ZPBP: variants seen among roughly 807,000 people sequenced by gnomAD.
The protein encoded by ZPBP is zona pellucida binding protein.
Under a neutral mutation model 44.8 loss-of-function variants are expected in ZPBP, and 26 were observed. That is an observed-to-expected ratio of 0.58 (90% CI 0.43 to 0.81). The LOEUF (loss-of-function observed/expected upper bound fraction) is 0.81. Among genes scored for constraint, ZPBP ranks in the 30% least tolerant of loss-of-function variants. The pLI is 0.00. For synonymous variants in ZPBP, 174 were observed against 153.2 expected, an observed-to-expected ratio of 1.14 and a Z score of -1.00; for missense variants, 409 against 434.0, an observed-to-expected ratio of 0.94 and a Z score of 0.51.
intron 4 of ZPBP, among the ~76,000 whole-genome samples, chr7:50,032,813 T>C (rs1799660759): frequency 1.3e-5 from 2 of 152,212 alleles, no homozygotes; most frequent in South Asian, 2.1e-4. Flanking sequence ...TTGCTTTTGT[T>C]TTTTCTTCAA....
chr7:49,898,986 T>G (rs1792554908), intron 2 of ZPBP, among the ~76,000 whole-genome samples: 1 of 152,070 alleles, frequency 6.6e-6, no homozygotes, highest in Non-Finnish European at 1.5e-5. Flanking sequence ...ATATGGCAGA[T>G]ATTAATTCAA....
At chr7:49,883,172 T>C (rs1194858951) in intron 2 of ZPBP, among the ~76,000 whole-genome samples, 1 of 151,946 alleles carries the variant, frequency 6.6e-6, no homozygotes, top group Non-Finnish European at 1.5e-5. Context: ...TTTATGCAGG[T>C]TTGAGCTTGA....
chr7:49,867,443 G>T (rs1236933061), intron 2 of ZPBP, among the ~76,000 whole-genome samples: 1 of 152,202 alleles, frequency 6.6e-6, no homozygotes, highest in African/African-American at 2.4e-5. Flanking sequence ...CTGAGAGGCG[G>T]AGGTGGGCCT....
intron 6 of ZPBP, among the ~76,000 whole-genome samples, chr7:49,984,222 T>C (rs1039274364): frequency 6.6e-6 from 1 of 152,194 alleles, no homozygotes; most frequent in African/African-American, 2.4e-5. Context: ...CAGGCTGATC[T>C]ATAACTACTA....
intron 7 of ZPBP, among the ~76,000 whole-genome samples, chr7:49,952,235 TA>T (rs1231463775): frequency 6.6e-6 from 1 of 151,896 alleles, no homozygotes; most frequent in Non-Finnish European, 1.5e-5. Context: ...TCAACTCAAT[TA>T]AAAAAATAAA....
intron 7 of ZPBP, among the ~76,000 whole-genome samples, chr7:49,982,299 TAATATATAATTATATA>T (rs1247253862): frequency 1.1e-4 from 2 of 17,540 alleles, no homozygotes; most frequent in African/African-American, 1.0e-3. Context: ...ATAATATATA[TAATATATAATTATATA>T]ATATATAATT....
intron 2 of ZPBP, among the ~76,000 whole-genome samples, chr7:49,879,962 C>T (rs1791598920): frequency 6.6e-6 from 1 of 152,080 alleles, no homozygotes; most frequent in Non-Finnish European, 1.5e-5. Flanking sequence ...CAATTTCATT[C>T]TTCTCTCTGT....
intron 7 of ZPBP, among the ~76,000 whole-genome samples, chr7:49,941,089 C>T (rs1230437082): frequency 6.6e-6 from 1 of 152,036 alleles, no homozygotes; most frequent in African/African-American, 2.4e-5. Flanking sequence ...CAAATCAAAG[C>T]TACAATGAGA....
At chr7:50,017,327 C>T (rs962372537) in intron 6 of ZPBP, among the ~76,000 whole-genome samples, 6 of 152,064 alleles carry the variant, frequency 3.9e-5, no homozygotes, top group South Asian at 2.1e-4. Context: ...TCTAATGCTG[C>T]GCTTGATCTG....
At chr7:49,849,841 G>A (rs1005969808), downstream of ZPBP, among the ~76,000 whole-genome samples, 7 of 152,208 alleles carry the variant, frequency 4.6e-5, no homozygotes, top group East Asian at 1.9e-4. Context: ...TCTAACCTGC[G>A]AGGCCAGTGA....
chr7:49,957,079 C>G (rs943322488), intron 7 of ZPBP, among the ~76,000 whole-genome samples: 2 of 152,162 alleles, frequency 1.3e-5, no homozygotes, highest in African/African-American at 2.4e-5. Flanking sequence ...CTGAGTTTGG[C>G]CCCTTTGTCT....
At chr7:49,995,760 C>T (rs1277226002) in intron 6 of ZPBP, among the ~76,000 whole-genome samples, 1 of 152,112 alleles carries the variant, frequency 6.6e-6, no homozygotes, top group African/African-American at 2.4e-5. Context: ...TTACGTGAAA[C>T]AAGCCAGTCA....
chr7:50,080,695 A>T (rs1168001847), intron 3 of ZPBP, among the ~76,000 whole-genome samples: 1 of 151,812 alleles, frequency 6.6e-6, no homozygotes, highest in Admixed American at 6.6e-5. Context: ...TGATAAAAAT[A>T]AAATTTGATT....
intron 1 of ZPBP, among the ~76,000 whole-genome samples, chr7:49,924,669 TAAAATTATATTATGGGA>T (rs1166915958): frequency 6.6e-6 from 1 of 152,060 alleles, no homozygotes; most frequent in South Asian, 2.1e-4. Context: ...AAGAAGATAA[TAAAATTATATTATGGGA>T]GACTTCTGGT....
chr7:50,004,881 T>C (rs1798236997), intron 6 of ZPBP, among the ~76,000 whole-genome samples: 1 of 152,018 alleles, frequency 6.6e-6, no homozygotes, highest in Admixed American at 6.6e-5. Context: ...AGAGAGTTTA[T>C]TTAAATAAAA....
intron 3 of ZPBP, among the ~76,000 whole-genome samples, chr7:50,059,664 G>A (rs1266383739): frequency 1.3e-5 from 2 of 152,134 alleles, no homozygotes; most frequent in Non-Finnish European, 2.9e-5. Flanking sequence ...TCATCAATGA[G>A]ATTACATATT....
chr7:50,024,016 T>C (rs190106499), intron 5 of ZPBP, among the ~76,000 whole-genome samples: 13 of 151,592 alleles, frequency 8.6e-5, no homozygotes, highest in Admixed American at 7.3e-4. Context: ...TTGTATAATA[T>C]ACAAAATGGT....
At chr7:49,923,372 C>A (rs1396403240) in intron 1 of ZPBP, among the ~76,000 whole-genome samples, 1 of 152,170 alleles carries the variant, frequency 6.6e-6, no homozygotes, top group Non-Finnish European at 1.5e-5. Context: ...ATATTCTTAT[C>A]TTTGGATAAG....
intron 7 of ZPBP, among the ~76,000 whole-genome samples, chr7:49,963,519 T>C (rs1795940774): frequency 6.6e-6 from 1 of 151,842 alleles, no homozygotes; most frequent in Non-Finnish European, 1.5e-5. Context: ...AATAGTGGTA[T>C]ATTTAATAAG....
Sources: allele counts gnomAD v4.1 joint callset (sites outside exome capture counted in the v4.1 genomes callset), GRCh38; gene constraint gnomAD v4.1.1; transcripts MANE v1.5; gene names NCBI Gene and HGNC (gene_info 2026-07-23, HGNC 2026-07-21).